The following SCARA5 variants were observed in gnomAD, a reference collection of about 807,000 sequenced individuals.
SCARA5 encodes the protein scavenger receptor class A member 5.
Under a neutral mutation model 46.3 loss-of-function variants are expected in SCARA5, and 45 were observed. That is an observed-to-expected ratio of 0.97 (90% CI 0.76 to 1.24). The LOEUF is 1.24. Among genes scored for constraint, SCARA5 ranks in the 50% most tolerant of loss-of-function variants. SCARA5 has a pLI of 0.00. For synonymous variants in SCARA5, 333 were observed against 306.5 expected (o/e 1.09, Z -0.90); for missense variants, 680 against 689.0 (o/e 0.99, Z 0.15).
intron 8 of SCARA5, among the ~76,000 whole-genome samples, chr8:27,874,261 C>T (rs1456712987): frequency 1.3e-5 from 2 of 152,114 alleles, no homozygotes; most frequent in African/African-American, 2.4e-5. Context: ...GAAAGCAGGA[C>T]GACTATTTAA....
chr8:27,880,817 T>G (rs1332982405), intron 7 of SCARA5, among the ~76,000 whole-genome samples: 1 of 128,420 alleles, frequency 7.8e-6, no homozygotes, highest in African/African-American at 3.0e-5. Flanking sequence ...TTTGTGCCAC[T>G]GCACTCCAGC....
At chr8:27,920,713 A>G (rs953412044) in intron 4 of SCARA5, among the ~76,000 whole-genome samples, 1 of 151,944 alleles carries the variant, frequency 6.6e-6, no homozygotes. Flanking sequence ...TTGGAAGGCT[A>G]AGGCAGGAGG....
At chr8:27,919,885 A>G (rs1807553477) in intron 4 of SCARA5, among the ~76,000 whole-genome samples, 2 of 148,860 alleles carry the variant, frequency 1.3e-5, no homozygotes, top group South Asian at 2.2e-4. Context: ...CACAGTAGGT[A>G]ACACATACTA....
At chr8:27,991,744 T>C (rs1310812105) in intron 1 of SCARA5, among the ~76,000 whole-genome samples, 1 of 152,248 alleles carries the variant, frequency 6.6e-6, no homozygotes, top group East Asian at 1.9e-4. Context: ...CTGTACTTAG[T>C]TAAGCTAAAT....
chr8:27,887,342 G>A (rs1806913096), intron 7 of SCARA5, among the ~76,000 whole-genome samples: 1 of 152,158 alleles, frequency 6.6e-6, no homozygotes, highest in South Asian at 2.1e-4. Context: ...GTTAGGTGCA[G>A]AGACTATCAC....
At chr8:27,914,419 G>A (rs1293837256) in intron 4 of SCARA5, among the ~76,000 whole-genome samples, 1 of 152,230 alleles carries the variant, frequency 6.6e-6, no homozygotes, top group Non-Finnish European at 1.5e-5. Flanking sequence ...CAATGCCCCT[G>A]TGGGAGCACC....
intron 3 of SCARA5, among the ~76,000 whole-genome samples, chr8:27,952,815 T>C (rs1808149925): frequency 6.6e-6 from 1 of 152,192 alleles, no homozygotes; most frequent in Non-Finnish European, 1.5e-5. Flanking sequence ...TCCCACTCTC[T>C]CTTCACCCCT....
At chr8:27,985,456 C>A (rs1358752101) in intron 2 of SCARA5, among the ~76,000 whole-genome samples, 1 of 152,202 alleles carries the variant, frequency 6.6e-6, no homozygotes, top group Non-Finnish European at 1.5e-5. Context: ...TTCACTCCTG[C>A]TGAAGTGGGA....
At chr8:27,886,017 T>C (rs772761376) in intron 7 of SCARA5, 1 of 154,796 alleles carries the variant, frequency 6.5e-6, no homozygotes, top group Non-Finnish European at 1.5e-5. Context: ...TTACCATGCA[T>C]TGAGCAAAGT....
intron 7 of SCARA5, among the ~76,000 whole-genome samples, chr8:27,892,893 A>G (rs913857584): frequency 8.5e-5 from 13 of 152,170 alleles, no homozygotes; most frequent in African/African-American, 3.1e-4. Context: ...GGCGTGAGCC[A>G]CCGCACCCAG....
rs759002955 is a variant in SCARA5 at position 27,987,626 on chromosome 8, A to G, written c.-11T>C. 1.3e-6 allele frequency: 2 copies of G among 1,588,352 alleles called. No individual in the cohort carries two copies. The highest frequency in any genetic ancestry group is 1.7e-6 in the Non-Finnish European group (2 of 1,156,560). On this transcript the variant is annotated 5_prime_UTR_variant, in exon 2 of 9. Transcript: ENST00000354914. Reference sequence around the variant, plus strand: ...AGCTTTGTTCTCCATCACACCCTGCAACAGCTGCAGAGAAGGCAAGAGGGG... The same window carrying G: ...AGCTTTGTTCTCCATCACACCCTGCGACAGCTGCAGAGAAGGCAAGAGGGG...
At chr8:27,976,128 G>T (rs906410034) in intron 2 of SCARA5, among the ~76,000 whole-genome samples, 2 of 152,176 alleles carry the variant, frequency 1.3e-5, no homozygotes, top group African/African-American at 4.8e-5. Context: ...CGGGGCTGAG[G>T]GGTGGAGAGA....
At chr8:27,983,877 C>G (rs1808660622) in intron 2 of SCARA5, among the ~76,000 whole-genome samples, 1 of 152,150 alleles carries the variant, frequency 6.6e-6, no homozygotes, top group African/African-American at 2.4e-5. Context: ...CCCCTGATCC[C>G]ACTATCCCCA....
chr8:27,897,800 T>C (rs61648991), intron 7 of SCARA5, among the ~76,000 whole-genome samples: 2 of 152,398 alleles, frequency 1.3e-5, no homozygotes, highest in African/African-American at 4.8e-5. Context: ...CACACTCACC[T>C]GGCTGCTAAC....
chr8:27,897,195 G>A (rs954346250), intron 7 of SCARA5, among the ~76,000 whole-genome samples: 20 of 152,142 alleles, frequency 1.3e-4, no homozygotes, highest in African/African-American at 4.1e-4. Flanking sequence ...CCATGTCAAA[G>A]GACAGAGGGT....
intron 8 of SCARA5, among the ~76,000 whole-genome samples, chr8:27,879,242 G>A (rs1289072932): frequency 2.0e-5 from 3 of 152,262 alleles, no homozygotes; most frequent in South Asian, 4.1e-4. Flanking sequence ...ATGAGAGCAC[G>A]TTATAAAGGT....
At chr8:27,937,542 T>A (rs1405166282) in intron 3 of SCARA5, among the ~76,000 whole-genome samples, 1 of 152,238 alleles carries the variant, frequency 6.6e-6, no homozygotes, top group Non-Finnish European at 1.5e-5. Flanking sequence ...CCCTGACTCC[T>A]GCTGCTCAGG....
intron 3 of SCARA5, among the ~76,000 whole-genome samples, chr8:27,959,809 A>G (rs1808266535): frequency 6.6e-6 from 1 of 152,204 alleles, no homozygotes; most frequent in Admixed American, 6.5e-5. Flanking sequence ...GGAAGTCGGG[A>G]GGGAGGTTGT....
chr8:27,987,706 A>G (rs1423742865), intron 1 of SCARA5, 76 bp from the exon 2 acceptor site: 12 of 865,650 alleles, frequency 1.4e-5, no homozygotes, highest in Non-Finnish European at 2.3e-5. Flanking sequence ...GTAGGTGGAA[A>G]CAGAAGCAAA....
Sources: gnomAD v4.1 joint callset for allele counts (sites outside exome capture counted in the v4.1 genomes callset) on GRCh38, gnomAD v4.1.1 for gene constraint, MANE v1.5 for transcripts, NCBI Gene and HGNC (gene_info 2026-07-23, HGNC 2026-07-21) for gene names.